FGD3: variants seen among roughly 807,000 people sequenced by gnomAD.
FGD3 encodes FYVE, RhoGEF and PH domain-containing protein 3.
FGD3 carries 45 observed loss-of-function variants against 71.8 expected under a neutral mutation model. The ratio of observed to expected loss-of-function variants is 0.63; its 90% CI spans 0.49 to 0.80. The LOEUF (loss-of-function observed/expected upper bound fraction) is 0.80, where lower values mean the gene tolerates loss of function less well. FGD3 is among the 30% of genes least tolerant of loss of function. The probability of loss-of-function intolerance (pLI) is 0.00; values close to 1 mark genes in which losing one functional copy is unlikely to be tolerated. For missense variants in FGD3, 844 were observed against 951.5 expected (o/e 0.89, Z 1.49); for synonymous variants, 378 against 392.8 (o/e 0.96, Z 0.44).
chr9:93,010,108 C>T, intron 6 of FGD3, 138 bp from the exon 7 acceptor site: 1 of 994,538 alleles, frequency 1.0e-6, no homozygotes, highest in East Asian at 2.7e-5. Flanking sequence ...TGGTCTGTGT[C>T]AGCCATGTCT....
At position 93,018,178 on chromosome 9, in the gene FGD3, A is replaced by G; in HGVS notation, c.1318A>G (p.Ile440Val). The G allele has an allele frequency of 1.2e-6, 2 of 1,614,216 alleles. No individual in the cohort carries two copies. The highest frequency in any genetic ancestry group is 1.7e-6 in the Non-Finnish European group (2 of 1,180,048). ...VKPNTAHTFIITGRKRSLELQ... is the reference protein window; with the variant it reads ...VKPNTAHTFIVTGRKRSLELQ... ...GCCAAACACAGCACATACATTCATC[A>G]TAACAGGAAGAAAAAGGTCCCTGGA... is the stretch of plus-strand genomic sequence containing the variant. The change falls in exon 11 of 18, where the codon ATA (isoleucine) becomes GTA (valine). Residue 440 changes from isoleucine (I) to valine (V), a missense_variant. Coordinates refer to ENST00000375482, the MANE Select transcript of FGD3 (RefSeq NM_001083536.2).
intron 13 of FGD3, among the ~76,000 whole-genome samples, chr9:93,021,144 T>C (rs75165899): frequency 0.011 from 1,677 of 152,320 alleles, 36 homozygotes; most frequent in African/African-American, 0.038. Context: ...TAGCACAGCC[T>C]ATGACTGCAG....
chr9:93,017,319 T>G (rs1476637666), intron 10 of FGD3, among the ~76,000 whole-genome samples: 1 of 152,216 alleles, frequency 6.6e-6, no homozygotes. Flanking sequence ...AAAAAGGTAT[T>G]TTCTCTAGTT....
chr9:92,988,092 A>G (rs1489209072), intron 3 of FGD3, among the ~76,000 whole-genome samples: 1 of 152,238 alleles, frequency 6.6e-6, no homozygotes. Flanking sequence ...ATTAGGCACA[A>G]GGACACATTG....
At chr9:92,985,893 T>C (rs1860169086) in intron 3 of FGD3, among the ~76,000 whole-genome samples, 1 of 152,104 alleles carries the variant, frequency 6.6e-6, no homozygotes, top group Non-Finnish European at 1.5e-5. Flanking sequence ...GAAAGAACAG[T>C]GGAGAAAAAA....
chr9:92,991,996 T>C (rs1860430620), intron 3 of FGD3, among the ~76,000 whole-genome samples: 1 of 152,210 alleles, frequency 6.6e-6, no homozygotes. Context: ...TCTGTTTACA[T>C]GGACTATCTT....
At chr9:92,990,452 C>A (rs997917306) in intron 3 of FGD3, among the ~76,000 whole-genome samples, 1 of 152,172 alleles carries the variant, frequency 6.6e-6, no homozygotes, top group African/African-American at 2.4e-5. Flanking sequence ...ACTTCCAGTA[C>A]TATGTTGAAT....
Position 93,014,436 on chromosome 9 carries a change from C to T in FGD3, c.1182+438C>T, listed in dbSNP as rs376440505. Among the ~76,000 whole-genome samples, 30 of 151,994 alleles carry T rather than the reference C, an allele frequency of 2.0e-4. No homozygotes were observed. In the East Asian group the frequency reaches 4.3e-3, roughly 22 times the overall value. On this transcript the variant is annotated intron_variant, in intron 9 of 17. Transcript: ENST00000375482. The stretch of plus-strand genomic sequence containing the variant: ...CGAGACCCCCCCGGGTGCCATGGCG[C>T]GGTAGAAACAGATGTGGTTCTTCTT...
intron 10 of FGD3, among the ~76,000 whole-genome samples, chr9:93,016,239 G>T (rs1035729124): frequency 2.6e-5 from 4 of 152,040 alleles, no homozygotes; most frequent in Admixed American, 1.3e-4. Context: ...GGCTTCCCTT[G>T]TCTGGTTCCT....
intron 5 of FGD3, among the ~76,000 whole-genome samples, chr9:93,004,422 T>C (rs1860974421): frequency 6.6e-6 from 1 of 152,236 alleles, no homozygotes; most frequent in African/African-American, 2.4e-5. Context: ...AGGTTTGACA[T>C]CTGGAAACAC....
At chr9:92,963,951 C>T (rs1012301298) in intron 1 of FGD3, 6 of 152,430 alleles carry the variant, frequency 3.9e-5, no homozygotes, top group South Asian at 2.1e-4. Context: ...GGTCTAGGGC[C>T]GGCCCCCTCA....
At position 92,969,513 on chromosome 9, in the gene FGD3, G is replaced by A. The variant is rs940870889; in HGVS notation, c.-217-5725G>A. Among the ~76,000 whole-genome samples the A allele has an allele frequency of 2.0e-5, 3 of 152,304 alleles. No individual in the cohort carries two copies. Among genetic ancestry groups the A allele is most frequent in the African/African-American group, 4.8e-5 (2 of 41,570 alleles). On this transcript the variant is annotated intron_variant, in intron 1 of 17. Transcript: ENST00000375482. This position sits in a 1 kb window ranked among gnomAD's most constrained non-coding sequence, Gnocchi z 4.5. ...GCAGTTTAAAAACCACCACTAACGC[G>A]TTTGTTGCTCCCCCTACATAACATG...
At chr9:93,019,941 G>C in intron 12 of FGD3, 80 bp downstream of exon 12, 3 of 1,512,466 alleles carry the variant, frequency 2.0e-6, no homozygotes, top group Non-Finnish European at 2.8e-6. Context: ...TCAGAGGGTG[G>C]GGGCCCTGGC....
intron 3 of FGD3, among the ~76,000 whole-genome samples, chr9:92,987,797 T>G (rs1383912763): frequency 1.3e-5 from 2 of 152,248 alleles, no homozygotes; most frequent in African/African-American, 2.4e-5. Flanking sequence ...GAGCCATTCT[T>G]CCTGTACCTG....
At chr9:93,032,639 G>A (rs746737642) in intron 15 of FGD3, 130 bp from the exon 16 acceptor site, 227 of 856,512 alleles carry the variant, frequency 2.7e-4, no homozygotes, top group Non-Finnish European at 3.5e-4. Context: ...CTTATCCCTC[G>A]CCACACGCCA....
At chr9:92,985,411 C>T (rs1564150792) in intron 3 of FGD3, among the ~76,000 whole-genome samples, 1 of 152,242 alleles carries the variant, frequency 6.6e-6, no homozygotes, top group East Asian at 1.9e-4. Context: ...TTTGTTATTT[C>T]TTCCCAGTTA....
intron 2 of FGD3, 142 bp from the exon 3 acceptor site, chr9:92,976,066 C>T: frequency 1.8e-6 from 1 of 559,364 alleles, no homozygotes; most frequent in East Asian, 2.8e-5. Context: ...ATTCACACTT[C>T]ACACACAACC....
chr9:92,981,368 C>CAAAAAAAAAAA (rs11454338), intron 3 of FGD3, among the ~76,000 whole-genome samples: 2 of 111,764 alleles, frequency 1.8e-5, no homozygotes, highest in South Asian at 2.8e-4. Context: ...ATTCCATCTC[C>CAAAAAAAAAAA]AAAAAAAAAA....
intron 3 of FGD3, among the ~76,000 whole-genome samples, chr9:92,978,483 T>A (rs1859856440): frequency 7.3e-6 from 1 of 136,458 alleles, no homozygotes; most frequent in Admixed American, 8.4e-5. Flanking sequence ...TGATTAACTT[T>A]CTTTCAATGA....
Sources: gnomAD v4.1 joint callset for allele counts (sites outside exome capture counted in the v4.1 genomes callset) on GRCh38, gnomAD v4.1.1 for gene constraint, Gnocchi (gnomAD v3.1) non-coding constraint, MANE v1.5 for transcripts, NCBI Gene and HGNC (gene_info 2026-07-23, HGNC 2026-07-21) for gene names.